BAZ1A: variants seen among roughly 807,000 people sequenced by gnomAD.
BAZ1A encodes the protein bromodomain adjacent to zinc finger domain 1A.
Under a neutral mutation model 185.2 loss-of-function variants are expected in BAZ1A, and 50 were observed. That is an observed-to-expected ratio of 0.27 (90% confidence interval 0.22 to 0.34). The LOEUF is 0.34. Among genes scored for constraint, BAZ1A ranks in the 10% least tolerant of loss-of-function variants. BAZ1A has a pLI of 1.00. For missense variants in BAZ1A, 1,356 were observed against 1,839.9 expected, an observed-to-expected ratio of 0.74 and a Z score of 4.81; for synonymous variants, 571 against 615.6, an observed-to-expected ratio of 0.93 and a Z score of 1.07.
chr14:34,842,337 C>G (rs2042428427), intron 3 of BAZ1A, among the ~76,000 whole-genome samples: 1 of 152,178 alleles, frequency 6.6e-6, no homozygotes, highest in Non-Finnish European at 1.5e-5. Context: ...TGCCACTAGA[C>G]AGCATTCTTT....
At chr14:34,760,838 A>C (rs151155240) in intron 24 of BAZ1A, among the ~76,000 whole-genome samples, 1 of 152,012 alleles carries the variant, frequency 6.6e-6, no homozygotes, top group African/African-American at 2.4e-5. Flanking sequence ...AGTGACTGGT[A>C]TAATTAATAA....
intron 3 of BAZ1A, among the ~76,000 whole-genome samples, chr14:34,860,371 G>A (rs538766367): frequency 6.6e-6 from 1 of 151,998 alleles, no homozygotes; most frequent in South Asian, 2.1e-4. Context: ...AGTTGGACAT[G>A]GTGGAATGCA....
rs926346720 is a variant in BAZ1A, at chr14:34,760,808, C to T, written c.4243+949G>A. ...CAGAGGTTGCAGTGAGCTCAGATTG[C>T]GCCACTGCACAGCAGCCTGAGTGAC... On this transcript the variant is annotated intron_variant, in intron 24 of 26. Coordinates refer to ENST00000360310, the MANE Select transcript of BAZ1A (RefSeq NM_013448.3). Among the ~76,000 whole-genome samples, 16 of 151,856 alleles carry T rather than the reference C, an allele frequency of 1.1e-4. No homozygotes were observed. In the South Asian group the frequency reaches 2.7e-3, roughly 26 times the overall value.
At chr14:34,753,944 C>T (rs1886127496) in intron 26 of BAZ1A, among the ~76,000 whole-genome samples, 1 of 151,338 alleles carries the variant, frequency 6.6e-6, no homozygotes, top group Admixed American at 6.6e-5. Flanking sequence ...ATAGCAAAAC[C>T]CCATCTCTAC....
In BAZ1A at chr14:34,875,337, T is replaced by C. The variant is rs936263894; in HGVS notation, c.-258A>G. The C allele has an allele frequency of 2.6e-5, 12 of 456,102 alleles. No homozygotes were observed. The highest frequency in any genetic ancestry group is 5.3e-5 in the Non-Finnish European group (12 of 226,794). 28.3% of individuals were successfully genotyped at this position (456,102 alleles called of 1,614,324 possible). A position where few individuals can be genotyped will look rare whatever the true frequency, so the allele number is the denominator to read the frequency against. On this transcript the variant is annotated 5_prime_UTR_variant, in exon 1 of 27. Transcript: ENST00000360310. ...CGCCTCTCGGAGCTCCTGGGAAGTT[T>C]CTGATCTACTTTCGGCTCTGAAGGA...
In BAZ1A at chr14:34,795,475, A is replaced by T. The variant is rs547113550; in HGVS notation, c.1224+195T>A. ...CTATTATTTCTACAGAATAAGAATC[A>T]TTATCAAAGCTGATTATAAAACACT... On this transcript the variant is annotated intron_variant, in intron 10 of 26. Transcript: ENST00000360310. Among the ~76,000 whole-genome samples the T allele has an allele frequency of 1.4e-4, 21 of 152,342 alleles. No homozygotes were observed. The South Asian group carries it at 1.9e-3, about 14-fold the overall frequency.
chr14:34,816,864 A>C (rs1211186791), intron 4 of BAZ1A: 1 of 447,376 alleles, frequency 2.2e-6, no homozygotes, highest in Non-Finnish European at 4.5e-6. Context: ...AACCTGTATC[A>C]AGTAATTACA....
Position 34,765,230 on chromosome 14 carries a change from C to A in BAZ1A, c.3340G>T (p.Asp1114Tyr). 1 of 1,614,078 alleles carries A rather than the reference C, an allele frequency of 6.2e-7. No homozygotes were observed. Among genetic ancestry groups the A allele is most frequent in the South Asian group, 1.1e-5 (1 of 91,068 alleles). The change falls in exon 22 of 27, where the codon GAC becomes TAC. Residue 1114 changes from aspartate (D) to tyrosine (Y), a missense_variant. Physicochemically the swap from Asp to Tyr is radical, Grantham distance 160. Transcript: ENST00000360310. ...GAAAGGAGAGACTCTCTCCAACGGT[C>A]CAGAACTGTTTTATAAGAACGCCCA... ...DSGRSYKTVL[D>Y]RWRESLLSSA...
At chr14:34,864,491 AT>A (rs574445043) in intron 2 of BAZ1A, among the ~76,000 whole-genome samples, 25 of 150,284 alleles carry the variant, frequency 1.7e-4, no homozygotes, top group South Asian at 6.3e-4. Flanking sequence ...TTTTGCAATA[AT>A]TTTTTTTAAA....
At chr14:34,794,132 GA>G (rs962885567) in intron 11 of BAZ1A, among the ~76,000 whole-genome samples, 37 of 142,874 alleles carry the variant, frequency 2.6e-4, no homozygotes, top group Middle Eastern at 3.5e-3. Context: ...ACTGTCTCAA[GA>G]AAAAAAAAAA....
chr14:34,873,933 C>T (rs924507828), intron 2 of BAZ1A, among the ~76,000 whole-genome samples: 1 of 152,156 alleles, frequency 6.6e-6, no homozygotes, highest in Non-Finnish European at 1.5e-5. Context: ...CCTTCTAGAG[C>T]GAGTCTCAAC....
chr14:34,843,590 A>G (rs2138765501), intron 3 of BAZ1A, among the ~76,000 whole-genome samples: 1 of 152,318 alleles, frequency 6.6e-6, no homozygotes, highest in Non-Finnish European at 1.5e-5. Flanking sequence ...CAGAATTGTA[A>G]GAGTAATGTT....
Position 34,865,692 on chromosome 14 carries a change from AAAG to A in BAZ1A, c.114-3373_114-3371del, listed in dbSNP as rs1166329499. Among the ~76,000 whole-genome samples, 5 of 152,370 alleles carry A rather than the reference AAAG, an allele frequency of 3.3e-5. No individual in the cohort carries two copies. The East Asian group carries it at 7.7e-4, about 23-fold the overall frequency. On this transcript the variant is annotated intron_variant, in intron 2 of 26. Coordinates refer to ENST00000360310, the MANE Select transcript of BAZ1A (RefSeq NM_013448.3). ...AGTTATATGGCTCTTAATTCAGTAC[AAAG>A]AAGATCCTTTTGAACTAAAGTTTAG...
chr14:34,863,872 T>A lies in BAZ1A; in HGVS notation c.114-1550A>T, dbSNP rs558720031. Among the ~76,000 whole-genome samples, 510 of 151,644 alleles carry A rather than the reference T, an allele frequency of 3.4e-3. 9 individuals carry two copies. The highest frequency in any genetic ancestry group is 4.2e-3 in the Non-Finnish European group (283 of 67,936). On this transcript the variant is annotated intron_variant, in intron 2 of 26. Coordinates refer to ENST00000360310, the MANE Select transcript of BAZ1A (RefSeq NM_013448.3). Reference sequence around the variant, plus strand: ...GAATTTTTTTTCTTTTTTAAGAGAGTCTCACTCTGTTGTCCAGACTGAAGG... The same window carrying A: ...GAATTTTTTTTCTTTTTTAAGAGAGACTCACTCTGTTGTCCAGACTGAAGG...
chr14:34,802,685 C>A (rs1417542262), intron 7 of BAZ1A, among the ~76,000 whole-genome samples, 169 bp downstream of exon 7: 1 of 152,210 alleles, frequency 6.6e-6, no homozygotes, highest in East Asian at 1.9e-4. Context: ...TTCTACAAGC[C>A]TCATTGCTGA....
chr14:34,763,705 ATCTC>A (rs749860656), intron 23 of BAZ1A, among the ~76,000 whole-genome samples: 19 of 152,270 alleles, frequency 1.2e-4, no homozygotes, highest in African/African-American at 3.4e-4. Flanking sequence ...CTCATTTTTT[ATCTC>A]TCTGTCAGAT....
rs556757579 is a variant in BAZ1A at position 34,856,046 on chromosome 14, A to G, written c.392+5998T>C. Among the ~76,000 whole-genome samples, 6 of 152,346 alleles carry G rather than the reference A, an allele frequency of 3.9e-5. No homozygotes were observed. The South Asian group carries it at 1.2e-3, about 32-fold the overall frequency. On this transcript the variant is annotated intron_variant, in intron 3 of 26. Transcript: ENST00000360310. ...CTAGTATTTAATATAAATCTCCCAC[A>G]AACATACTAATAACAAGCCAAAAGA...
chr14:34,756,410 T>TCGC (rs1555336562), intron 25 of BAZ1A, among the ~76,000 whole-genome samples: 1 of 148,976 alleles, frequency 6.7e-6, no homozygotes, highest in Admixed American at 6.7e-5. Flanking sequence ...CCACTGTGCC[T>TCGC]GGCCCTAAAC....
rs781531009 is a variant in BAZ1A at position 34,775,915 on chromosome 14, T to G, written c.2833+4A>C. On this transcript the variant is annotated splice_donor_region_variant and intron_variant, in intron 18 of 26. Transcript: ENST00000360310. ...AGTAAAAACAATTTTCATTGAAAAT[T>G]TACCTGAAAAATGAAATTTCTCTTC... is the stretch of plus-strand genomic sequence containing the variant. 1.3e-6 allele frequency: 2 copies of G among 1,561,620 alleles called. No homozygotes were observed. The highest frequency in any genetic ancestry group is 2.4e-5 in the South Asian group (2 of 84,850).
Sources: gnomAD v4.1 joint callset for allele counts (sites outside exome capture counted in the v4.1 genomes callset) on GRCh38, gnomAD v4.1.1 for gene constraint, MANE v1.5 for transcripts, NCBI Gene and HGNC (gene_info 2026-07-23, HGNC 2026-07-21) for gene names.